Variants in CENPW observed in about 807,000 individuals in gnomAD.
CENPW encodes centromere protein W.
Under a neutral mutation model 11.1 loss-of-function variants are expected in CENPW, and 3 were observed. The observed-to-expected ratio is 0.27, with a 90% confidence interval of 0.12 to 0.70. CENPW has a LOEUF of 0.70. Among genes scored for constraint, CENPW ranks in the 30% least tolerant of loss-of-function variants. The pLI, the probability that CENPW is intolerant of heterozygous loss-of-function variation, is 0.77. For synonymous variants in CENPW, 38 were observed against 42.0 expected (o/e 0.91, Z 0.37); for missense variants, 100 against 105.6 (o/e 0.95, Z 0.23).
At chr6:126,352,093 A>AGAAGTGT (rs1198212186), downstream of CENPW, among the ~76,000 whole-genome samples, 1 of 152,124 alleles carries the variant, frequency 6.6e-6, no homozygotes, top group Admixed American at 6.5e-5. Context: ...TCCAGGGGCC[A>AGAAGTGT]TGCTTCCGAG....
chr6:126,428,635 C>T, the CENPW span, among the ~76,000 whole-genome samples: 1 of 152,182 alleles, frequency 6.6e-6, no homozygotes, highest in Non-Finnish European at 1.5e-5. Flanking sequence ...TAACTTCACA[C>T]TACAAGTGAT....
At chr6:126,464,871 C>G in the CENPW span, among the ~76,000 whole-genome samples, 3 of 152,118 alleles carry the variant, frequency 2.0e-5, no homozygotes, top group Admixed American at 1.3e-4. Context: ...AGAACCCTGA[C>G]TAACACAGGC....
the CENPW span, among the ~76,000 whole-genome samples, chr6:126,427,073 T>C: frequency 1.3e-5 from 2 of 152,104 alleles, no homozygotes. Flanking sequence ...ATATGGCCTG[T>C]TGGAATATCA....
chr6:126,465,068 A>G, the CENPW span, among the ~76,000 whole-genome samples: 1 of 152,118 alleles, frequency 6.6e-6, no homozygotes, highest in Non-Finnish European at 1.5e-5. Flanking sequence ...TAAAGAAGCA[A>G]AACTATTTTG....
chr6:126,453,037 CA>C, the CENPW span, among the ~76,000 whole-genome samples: 8 of 151,056 alleles, frequency 5.3e-5, no homozygotes, highest in Non-Finnish European at 1.2e-4. Context: ...CTTTATTCAG[CA>C]AAAACTTCCT....
At chr6:126,402,422 G>T in the CENPW span, among the ~76,000 whole-genome samples, 3 of 150,686 alleles carry the variant, frequency 2.0e-5, no homozygotes, top group African/African-American at 7.3e-5. Flanking sequence ...TCACATTATT[G>T]TACAATAATC....
At chr6:126,390,606 C>G in the CENPW span, among the ~76,000 whole-genome samples, 13 of 151,872 alleles carry the variant, frequency 8.6e-5, no homozygotes, top group South Asian at 2.7e-3. Flanking sequence ...CCCACTTCCC[C>G]TACAACTCCT....
the CENPW span, among the ~76,000 whole-genome samples, chr6:126,435,631 G>C: frequency 3.3e-5 from 5 of 151,756 alleles, no homozygotes; most frequent in Non-Finnish European, 7.4e-5. Flanking sequence ...TGTAAATCCT[G>C]CAATCTATGT....
At chr6:126,374,228 G>T in the CENPW span, among the ~76,000 whole-genome samples, 1 of 152,174 alleles carries the variant, frequency 6.6e-6, no homozygotes. Context: ...AGTATTGCTA[G>T]TGTCACTTAC....
At chr6:126,359,520 G>T in the CENPW span, among the ~76,000 whole-genome samples, 1 of 151,986 alleles carries the variant, frequency 6.6e-6, no homozygotes, top group Non-Finnish European at 1.5e-5. Flanking sequence ...TGTCAGTGAG[G>T]TGTTGAAGTC....
the CENPW span, among the ~76,000 whole-genome samples, chr6:126,384,727 A>G: frequency 2.0e-5 from 3 of 152,250 alleles, no homozygotes; most frequent in African/African-American, 4.8e-5. Flanking sequence ...AGATTTAATG[A>G]TGAAGACAGC....
the CENPW span, among the ~76,000 whole-genome samples, chr6:126,387,101 A>G: frequency 1.3e-5 from 2 of 152,010 alleles, no homozygotes; most frequent in African/African-American, 4.8e-5. Flanking sequence ...TTTTGATTAT[A>G]AATTAACTAA....
the CENPW span, among the ~76,000 whole-genome samples, chr6:126,360,891 G>C: frequency 6.6e-6 from 1 of 151,008 alleles, no homozygotes; most frequent in Non-Finnish European, 1.5e-5. Flanking sequence ...TTGCCATCCA[G>C]ATTCTGAATT....
the CENPW span, among the ~76,000 whole-genome samples, chr6:126,421,465 C>T: frequency 2.1e-4 from 32 of 152,112 alleles, no homozygotes; most frequent in African/African-American, 4.8e-4. Context: ...CTCTGATTAC[C>T]GCTTTTATTT....
chr6:126,430,744 G>A, the CENPW span, among the ~76,000 whole-genome samples: 1 of 152,066 alleles, frequency 6.6e-6, no homozygotes, highest in Non-Finnish European at 1.5e-5. Flanking sequence ...GAGGTCAGGA[G>A]ATCAAGACCA....
the CENPW span, among the ~76,000 whole-genome samples, chr6:126,452,724 T>G: frequency 6.6e-6 from 1 of 150,998 alleles, no homozygotes; most frequent in African/African-American, 2.4e-5. Context: ...TTTTTGAAAA[T>G]AATGTCTAAA....
chr6:126,410,913 CT>C, the CENPW span, among the ~76,000 whole-genome samples: 1 of 151,948 alleles, frequency 6.6e-6, no homozygotes, highest in Non-Finnish European at 1.5e-5. Flanking sequence ...AGTTGTCAAT[CT>C]GTATTTTCCT....
chr6:126,477,960 T>C, the CENPW span, among the ~76,000 whole-genome samples: 1 of 152,058 alleles, frequency 6.6e-6, no homozygotes, highest in Non-Finnish European at 1.5e-5. Context: ...TGATCATTAA[T>C]TGCTGGATTC....
At chr6:126,452,154 T>G in the CENPW span, among the ~76,000 whole-genome samples, 6 of 151,148 alleles carry the variant, frequency 4.0e-5, no homozygotes, top group African/African-American at 1.5e-4. Context: ...AAGGAGAATA[T>G]CAACATTTTC....
Sources: gnomAD v4.1 joint callset for allele counts (sites outside exome capture counted in the v4.1 genomes callset) on GRCh38, gnomAD v4.1.1 for gene constraint, MANE v1.5 for transcripts, NCBI Gene and HGNC (gene_info 2026-07-23, HGNC 2026-07-21) for gene names.